OPHN1: variants seen among roughly 807,000 people sequenced by gnomAD.
OPHN1 encodes the protein oligophrenin-1.
A neutral mutation model predicts 60.7 loss-of-function variants in OPHN1; 11 were observed. The observed-to-expected ratio is 0.18, with a 90% CI of 0.11 to 0.30. OPHN1 has a LOEUF of 0.30. OPHN1 is among the 10% of genes least tolerant of loss of function. The pLI, the probability that OPHN1 is intolerant of heterozygous loss-of-function variation, is 1.00. For synonymous variants in OPHN1, 226 were observed against 222.6 expected (o/e 1.02, Z -0.14); for missense variants, 449 against 611.0 (o/e 0.73, Z 2.80).
At chrX:68,336,938 A>G (rs1252454426) in intron 2 of OPHN1, among the ~76,000 whole-genome samples, 1 of 110,459 alleles carries the variant, frequency 9.1e-6, no homozygotes, top group Non-Finnish European at 1.9e-5. Flanking sequence ...GTACGCATCT[A>G]TAATTCCAGC....
chrX:68,192,145 T>C (rs1295746387), intron 15 of OPHN1, among the ~76,000 whole-genome samples: 5 of 109,559 alleles, frequency 4.6e-5, no homozygotes, highest in Admixed American at 9.7e-5. Context: ...AAACACACAG[T>C]CAAGGTGTAA....
At chrX:68,270,724 A>C (rs1381320179) in intron 5 of OPHN1, among the ~76,000 whole-genome samples, 1 of 109,153 alleles carries the variant, frequency 9.2e-6, no homozygotes, top group Non-Finnish European at 1.9e-5. Flanking sequence ...TGTACCCTAG[A>C]ACTTAAATTA....
chrX:68,095,476 T>C (rs765087101), intron 19 of OPHN1, among the ~76,000 whole-genome samples: 1 of 112,544 alleles, frequency 8.9e-6, no homozygotes, highest in African/African-American at 3.2e-5. Context: ...TTCTGATCCC[T>C]GCTTTAGATT....
chrX:68,110,514 G>A (rs755210807), intron 18 of OPHN1, among the ~76,000 whole-genome samples: 9 of 111,548 alleles, frequency 8.1e-5, no homozygotes, highest in Non-Finnish European at 1.7e-4. Flanking sequence ...GTCTCTTCGT[G>A]TTATAGATGC....
At chrX:68,283,003 A>G (rs2078025724) in intron 4 of OPHN1, 53 bp downstream of exon 4, 4 of 976,087 alleles carry the variant, frequency 4.1e-6, no homozygotes, top group East Asian at 3.1e-5. Flanking sequence ...GGAAAGGAAA[A>G]ATCCCCTATA....
chrX:68,429,401 G>C (rs1004150786), intron 2 of OPHN1, among the ~76,000 whole-genome samples: 4 of 110,874 alleles, frequency 3.6e-5, no homozygotes, highest in Non-Finnish European at 7.5e-5. Context: ...ACTCCAGCTC[G>C]GGCAACAGAG....
rs2076833799 is a variant in OPHN1, at chrX:68,046,788, A to T, written c.*384T>A. The T allele has an allele frequency of 8.9e-6, 1 of 111,862 alleles. No homozygotes were observed. The highest frequency in any genetic ancestry group is 9.5e-5 in the Admixed American group (1 of 10,560). 9.2% of individuals were successfully genotyped at this position (111,862 alleles called of 1,213,427 possible). On this transcript the variant is annotated 3_prime_UTR_variant, in exon 25 of 25. Coordinates refer to ENST00000355520, the MANE Select transcript of OPHN1 (RefSeq NM_002547.3). ...CCCCTGAGATCAGTCTTTAGCCCCAAATCTCTCAGAGTTCAATGGCCCTCT... is the reference window on the plus strand; with the variant it reads ...CCCCTGAGATCAGTCTTTAGCCCCATATCTCTCAGAGTTCAATGGCCCTCT...
At position 68,126,226 on chromosome X, in the gene OPHN1, A is replaced by G. The variant is rs2077171268; in HGVS notation, c.1277-6894T>C. ...AAAACCCTCAAAAATCTGGGTATAG[A>G]AAAAGCATGGCCCTGCCCAAGGCCT... On this transcript the variant is annotated intron_variant, in intron 15 of 24. Coordinates refer to ENST00000355520, the MANE Select transcript of OPHN1 (RefSeq NM_002547.3). 4.5e-5 allele frequency among the ~76,000 whole-genome samples: 5 copies of G among 110,015 alleles called. No homozygotes were observed. The South Asian group carries it at 2.0e-3, about 44-fold the overall frequency.
intron 21 of OPHN1, among the ~76,000 whole-genome samples, chrX:68,054,833 T>G (rs947516480): frequency 8.9e-6 from 1 of 111,885 alleles, no homozygotes; most frequent in South Asian, 3.8e-4. Flanking sequence ...GAAATAGACA[T>G]GTACATAACT....
chrX:68,141,974 G>A (rs2077245552), intron 15 of OPHN1, among the ~76,000 whole-genome samples: 1 of 110,677 alleles, frequency 9.0e-6, no homozygotes, highest in African/African-American at 3.3e-5. Context: ...AGAGGCAAGA[G>A]CCAAGACGGA....
At chrX:68,183,288 G>A (rs752859165) in intron 15 of OPHN1, among the ~76,000 whole-genome samples, 13 of 111,737 alleles carry the variant, frequency 1.2e-4, no homozygotes, top group Non-Finnish European at 2.1e-4. Flanking sequence ...GATGAGGTTT[G>A]GCTTCAGAAG....
chrX:68,322,593 T>C (rs189794939), intron 2 of OPHN1, among the ~76,000 whole-genome samples: 41 of 111,054 alleles, frequency 3.7e-4, no homozygotes, highest in Non-Finnish European at 7.2e-4. Context: ...TCGAGACTAG[T>C]CTGGTCAACA....
chrX:68,355,818 C>A (rs1342442879), intron 2 of OPHN1, among the ~76,000 whole-genome samples: 1 of 111,662 alleles, frequency 9.0e-6, no homozygotes, highest in African/African-American at 3.3e-5. Context: ...GGGCGGAACA[C>A]CTGAGGTCAG....
chrX:68,164,164 A>G (rs970589171), intron 15 of OPHN1, among the ~76,000 whole-genome samples: 2 of 111,460 alleles, frequency 1.8e-5, no homozygotes, highest in African/African-American at 6.5e-5. Context: ...TCTAGCCAAA[A>G]GCACTCATAG....
chrX:68,107,514 G>T (rs1290567065), intron 18 of OPHN1, among the ~76,000 whole-genome samples: 3 of 111,625 alleles, frequency 2.7e-5, no homozygotes, highest in Non-Finnish European at 5.6e-5. Flanking sequence ...ACATAAGGTG[G>T]TTTGTTCCAT....
chrX:68,359,705 A>T (rs1202414914), intron 2 of OPHN1, among the ~76,000 whole-genome samples: 1 of 108,757 alleles, frequency 9.2e-6, no homozygotes, highest in Non-Finnish European at 1.9e-5. Context: ...AAATACAAAA[A>T]ATTAGCCAGG....
chrX:68,158,174 A>G (rs933865398), intron 15 of OPHN1, among the ~76,000 whole-genome samples: 5 of 112,392 alleles, frequency 4.4e-5, no homozygotes, highest in African/African-American at 1.6e-4. Context: ...TTATGTTGAG[A>G]TCTGAAGAAA....
intron 15 of OPHN1, among the ~76,000 whole-genome samples, chrX:68,123,674 A>G (rs2077158625): frequency 9.0e-6 from 1 of 111,553 alleles, no homozygotes; most frequent in African/African-American, 3.3e-5. Context: ...TCAGTTTACA[A>G]TAATGGGTTA....
At chrX:68,116,380 A>C (rs909604086) in intron 16 of OPHN1, among the ~76,000 whole-genome samples, 2 of 111,864 alleles carry the variant, frequency 1.8e-5, no homozygotes, top group African/African-American at 6.5e-5. Context: ...CCAGAGTCAG[A>C]TTGGAAAGTA....
Sources: allele counts gnomAD v4.1 joint callset (sites outside exome capture counted in the v4.1 genomes callset), GRCh38; gene constraint gnomAD v4.1.1; transcripts MANE v1.5; gene names NCBI Gene and HGNC (gene_info 2026-07-23, HGNC 2026-07-21).